The following CYP3A4 variants were observed in gnomAD, a reference collection of about 807,000 sequenced individuals.
The protein encoded by CYP3A4 is cytochrome P450 family 3 subfamily A member 4, also known as cytochrome P450 3A4.
A neutral mutation model predicts 54.9 loss-of-function variants in CYP3A4; 41 were observed. That is an observed-to-expected ratio of 0.75 (90% CI 0.58 to 0.97). The LOEUF is 0.97. Among genes scored for constraint, CYP3A4 ranks in the 50% least tolerant of loss-of-function variants. The pLI is 0.00. For synonymous variants in CYP3A4, 179 were observed against 205.2 expected, an observed-to-expected ratio of 0.87 and a Z score of 1.09; for missense variants, 510 against 597.3, an observed-to-expected ratio of 0.85 and a Z score of 1.52.
At chr7:99,758,304 A>C (rs1815233578) in intron 12 of CYP3A4, 76 bp from the exon 13 acceptor site, 1 of 1,512,826 alleles carries the variant, frequency 6.6e-7, no homozygotes, top group East Asian at 2.3e-5. Flanking sequence ...AGTGAGTGAG[A>C]CACTCCTTCA....
At chr7:99,762,842 A>G (rs1444729322) in intron 10 of CYP3A4, among the ~76,000 whole-genome samples, 4 of 152,130 alleles carry the variant, frequency 2.6e-5, no homozygotes, top group Non-Finnish European at 5.9e-5. Context: ...TTGTTGCTTC[A>G]GGGCTGGACT....
chr7:99,783,712 A>C (rs1373470722), intron 1 of CYP3A4, among the ~76,000 whole-genome samples: 4 of 147,944 alleles, frequency 2.7e-5, no homozygotes, highest in African/African-American at 5.0e-5. Flanking sequence ...GGGTTCAAGC[A>C]ATTCTCCTGC....
intron 11 of CYP3A4, among the ~76,000 whole-genome samples, chr7:99,761,450 CCTT>C (rs1213433759): frequency 1.3e-5 from 2 of 152,130 alleles, no homozygotes; most frequent in East Asian, 1.9e-4. Flanking sequence ...TAATTCTCCT[CCTT>C]CTCCTCCTTA....
chr7:99,781,463 G>C (rs1482389008), intron 1 of CYP3A4, among the ~76,000 whole-genome samples: 1 of 152,164 alleles, frequency 6.6e-6, no homozygotes, highest in Non-Finnish European at 1.5e-5. Flanking sequence ...ATTAAGGCTG[G>C]TGCTCCCTAA....
rs1815999616 is a variant in CYP3A4, at chr7:99,784,057, T to A, written c.25A>T (p.Met9Leu). The stretch of plus-strand genomic sequence containing the variant: ...ACAGCCAGGAGAAGCCAGGTTTCCA[T>A]GGCCAAGTCTGGGATGAGAGCCATC... The part of the protein sequence containing the change: MALIPDLA[M>L]ETWLLLAVSL... The change falls in exon 1 of 13, where the codon ATG (methionine) becomes TTG (leucine). Residue 9 changes from methionine (M) to leucine (L), a missense_variant. By Grantham distance (15) the Met-to-Leu change is conservative. Around this residue, in one of 2 missense-constraint regions of CYP3A4, gnomAD observed 272 missense variants for 274.9 expected, o/e 0.99. Coordinates refer to ENST00000651514, the MANE Select transcript of CYP3A4 (RefSeq NM_017460.6). The A allele has an allele frequency of 1.9e-6, 3 of 1,614,022 alleles. No individual in the cohort carries two copies. The highest frequency in any genetic ancestry group is 4.5e-5 in the East Asian group (2 of 44,868).
At chr7:99,763,136 C>T (rs1815382016) in intron 10 of CYP3A4, among the ~76,000 whole-genome samples, 1 of 152,138 alleles carries the variant, frequency 6.6e-6, no homozygotes, top group African/African-American at 2.4e-5. Flanking sequence ...AGTCAGCCTG[C>T]ACAGCACACC....
chr7:99,768,141 CAG>C (rs1303848818), intron 7 of CYP3A4, among the ~76,000 whole-genome samples: 3 of 152,146 alleles, frequency 2.0e-5, no homozygotes, highest in Admixed American at 1.3e-4. Context: ...GGGTTTGTGA[CAG>C]GGGGCTGATA....
chr7:99,780,187 G>C (rs998366859), intron 1 of CYP3A4, 102 bp from the exon 2 acceptor site: 4 of 1,171,408 alleles, frequency 3.4e-6, no homozygotes, highest in Non-Finnish European at 5.0e-6. Flanking sequence ...AGAGAACGAG[G>C]TAACATTAAG....
intron 12 of CYP3A4, among the ~76,000 whole-genome samples, chr7:99,759,441 CATGCAT>C (rs1019173542): frequency 5.4e-5 from 8 of 148,422 alleles, no homozygotes; most frequent in Non-Finnish European, 1.0e-4. Context: ...CACACACACA[CATGCAT>C]ATGCACGAAT....
chr7:99,781,571 G>A (rs1220148733), intron 1 of CYP3A4, among the ~76,000 whole-genome samples: 1 of 152,152 alleles, frequency 6.6e-6, no homozygotes, highest in Non-Finnish European at 1.5e-5. Context: ...TGATGTTACT[G>A]AGGGTTGGAA....
intron 3 of CYP3A4, 31 bp from the exon 4 acceptor site, chr7:99,772,720 T>G: frequency 6.2e-7 from 1 of 1,610,614 alleles, no homozygotes; most frequent in Non-Finnish European, 8.5e-7. Context: ...TGATTAAACA[T>G]CAACAGCCTT....
Position 99,762,031 on chromosome 7 carries a change from G to A in CYP3A4, c.1253+10C>T, listed in dbSNP as rs935238665. On this transcript the variant is annotated intron_variant, in intron 11 of 12. Coordinates refer to ENST00000651514, the MANE Select transcript of CYP3A4 (RefSeq NM_017460.6). Reference sequence around the variant, plus strand: ...GTTCAGGGAGGGCTCCCTTCCCAGGGGCCTTGTACCTTTCAGGGAGGAACT... The same window carrying A: ...GTTCAGGGAGGGCTCCCTTCCCAGGAGCCTTGTACCTTTCAGGGAGGAACT... 1.9e-6 allele frequency: 3 copies of A among 1,613,600 alleles called. No individual in the cohort carries two copies. The highest frequency in any genetic ancestry group is 1.3e-5 in the African/African-American group (1 of 75,004).
At chr7:99,778,744 A>G (rs748615404) in intron 2 of CYP3A4, among the ~76,000 whole-genome samples, 1 of 152,208 alleles carries the variant, frequency 6.6e-6, no homozygotes, top group African/African-American at 2.4e-5. Context: ...CAGAGTTTTC[A>G]CTGAAACTTA....
At position 99,767,259 on chromosome 7, in the gene CYP3A4, C is replaced by T; in HGVS notation, c.671-1G>A. ...ATTGGGATGAGGAATGGAAAGACTG[C>T]TGTAGGAAAAACAAAACAAAAACAG... On this transcript the variant is annotated splice_acceptor_variant, in intron 7 of 12. Coordinates refer to ENST00000651514, the MANE Select transcript of CYP3A4 (RefSeq NM_017460.6). LOFTEE classifies it high-confidence loss of function. 3 of 1,567,856 alleles carry T rather than the reference C, an allele frequency of 1.9e-6. No homozygotes were observed. Among genetic ancestry groups the T allele is most frequent in the Non-Finnish European group, 1.7e-6 (2 of 1,164,562 alleles).
chr7:99,777,587 C>T (rs1431258287), intron 3 of CYP3A4, among the ~76,000 whole-genome samples: 3 of 151,046 alleles, frequency 2.0e-5, no homozygotes, highest in African/African-American at 7.3e-5. Context: ...TGCCTGATAA[C>T]AAAACTATCA....
chr7:99,768,655 A>C (rs1815545217), intron 6 of CYP3A4, among the ~76,000 whole-genome samples, 153 bp from the exon 7 acceptor site: 1 of 152,152 alleles, frequency 6.6e-6, no homozygotes, highest in Non-Finnish European at 1.5e-5. Context: ...ACTCCATCAG[A>C]AGGTGTTATC....
rs1289416239 is a variant in CYP3A4 at position 99,772,616 on chromosome 7, A to G, written c.292T>C (p.Cys98Arg). 6.2e-7 allele frequency: 1 copy of G among 1,613,262 alleles called. No homozygotes were observed. The highest frequency in any genetic ancestry group is 8.5e-7 in the Non-Finnish European group (1 of 1,179,458). Residue 98 changes from cysteine to arginine, a missense_variant, in exon 4 of 13, where the codon TGT becomes CGT. Coordinates refer to ENST00000651514, the MANE Select transcript of CYP3A4 (RefSeq NM_017460.6). ...CTCCGGTTTGTGAAGACAGAATAACATTCTTTCACTAGCACTGTTTTGATC... is the reference window on the plus strand; with the variant it reads ...CTCCGGTTTGTGAAGACAGAATAACGTTCTTTCACTAGCACTGTTTTGATC... ...DMIKTVLVKE[C>R]YSVFTNRRPF...
At chr7:99,783,517 T>C (rs1310889480) in intron 1 of CYP3A4, among the ~76,000 whole-genome samples, 2 of 152,142 alleles carry the variant, frequency 1.3e-5, no homozygotes. Context: ...GGAAGATGCT[T>C]ATTTATTCCT....
At position 99,762,107 on chromosome 7, in the gene CYP3A4, A is replaced by G. The variant is rs148633152; in HGVS notation, c.1187T>C (p.Ile396Thr). The G allele has an allele frequency of 6.2e-7, 1 of 1,613,988 alleles. No individual in the cohort carries two copies. Among genetic ancestry groups the G allele is most frequent in the African/African-American group, 1.3e-5 (1 of 74,984 alleles). The change falls in exon 11 of 13, where the codon ATT (isoleucine) becomes ACT (threonine). Residue 396 changes from isoleucine (I) to threonine (T), a missense_variant. Around this residue, in one of 2 missense-constraint regions of CYP3A4, gnomAD observed 238 missense variants for 322.5 expected, o/e 0.74. Transcript: ENST00000651514. ...GTCACGGTGAAGAGCATAGCTTGGA[A>G]TCATCACCACCACCCCTTTGGGAAT... ...MFIPKGVVVM[I>T]PSYALHRDPK...
Sources: gnomAD v4.1 joint callset for allele counts (sites outside exome capture counted in the v4.1 genomes callset) on GRCh38, gnomAD v4.1.1 for gene constraint, gnomAD v4.1.1 regional missense constraint, MANE v1.5 for transcripts, NCBI Gene and HGNC (gene_info 2026-07-23, HGNC 2026-07-21) for gene names.